LEKR1: variants seen among roughly 807,000 people sequenced by gnomAD.
The protein encoded by LEKR1 is leucine, glutamate and lysine rich 1.
Under a neutral mutation model 72.4 loss-of-function variants are expected in LEKR1, and 59 were observed. That is an observed-to-expected ratio of 0.82 (90% CI 0.66 to 1.01). The LOEUF (loss-of-function observed/expected upper bound fraction) is 1.01. Among genes scored for constraint, LEKR1 ranks in the 50% least tolerant of loss-of-function variants. The pLI is 0.00. For synonymous variants in LEKR1, 257 were observed against 263.2 expected (o/e 0.98, Z 0.23); for missense variants, 728 against 759.2 (o/e 0.96, Z 0.48).
chr3:157,026,417 T>C (rs1395293258), intron 11 of LEKR1, among the ~76,000 whole-genome samples: 1 of 152,208 alleles, frequency 6.6e-6, no homozygotes, highest in Non-Finnish European at 1.5e-5. Flanking sequence ...GATCTTTAAA[T>C]GTTGACTGCC....
At chr3:157,000,849 A>G (rs1257646486) in intron 9 of LEKR1, among the ~76,000 whole-genome samples, 2 of 152,192 alleles carry the variant, frequency 1.3e-5, no homozygotes, top group Non-Finnish European at 2.9e-5. Flanking sequence ...TCCAGGTGTC[A>G]AGGGAGAGAA....
At chr3:156,838,450 T>A (rs1314135436) in intron 2 of LEKR1, among the ~76,000 whole-genome samples, 1 of 152,044 alleles carries the variant, frequency 6.6e-6, no homozygotes, top group Non-Finnish European at 1.5e-5. Flanking sequence ...TGGGGAGACA[T>A]CTCCCCAAAC....
At chr3:156,975,704 A>G (rs1729631222) in intron 6 of LEKR1, among the ~76,000 whole-genome samples, 1 of 152,230 alleles carries the variant, frequency 6.6e-6, no homozygotes, top group South Asian at 2.1e-4. Flanking sequence ...AAGAGAGGTT[A>G]AGAACTCTTT....
At chr3:156,928,684 T>G (rs1181419174) in intron 5 of LEKR1, among the ~76,000 whole-genome samples, 1 of 151,954 alleles carries the variant, frequency 6.6e-6, no homozygotes, top group Non-Finnish European at 1.5e-5. Context: ...AGCTCAAATT[T>G]TGCATATAAA....
At chr3:156,890,860 C>CT (rs111265584) in intron 3 of LEKR1, among the ~76,000 whole-genome samples, 5,490 of 135,714 alleles carry the variant, frequency 0.04, 159 homozygotes, top group Non-Finnish European at 0.059. Context: ...AAAAGTTATC[C>CT]TTTTTTTTTT....
intron 6 of LEKR1, among the ~76,000 whole-genome samples, chr3:156,967,932 A>G (rs7430071): frequency 0.16 from 23,803 of 152,230 alleles, 2,117 homozygotes; most frequent in South Asian, 0.25. Flanking sequence ...ATCTCTCAGC[A>G]GAAACTCTAC....
At chr3:156,847,021 G>A (rs1024766225) in intron 2 of LEKR1, among the ~76,000 whole-genome samples, 1 of 151,980 alleles carries the variant, frequency 6.6e-6, no homozygotes, top group Non-Finnish European at 1.5e-5. Flanking sequence ...TCACCGTGTT[G>A]TCCAGGCTCA....
chr3:156,843,145 G>A (rs191907519), intron 2 of LEKR1, among the ~76,000 whole-genome samples: 2 of 152,246 alleles, frequency 1.3e-5, no homozygotes, highest in African/African-American at 4.8e-5. Context: ...CTGGGTTTAG[G>A]ATTTTATTGC....
At position 156,902,019 on chromosome 3, in the gene LEKR1, C is replaced by T. The variant is rs139263882; in HGVS notation, c.264-18556C>T. Reference sequence around the variant, plus strand: ...TTCTTATAGTTCTCTGCCTTATTTCCGGAAGCTCACATATAATTTTCTTGA... The same window carrying T: ...TTCTTATAGTTCTCTGCCTTATTTCTGGAAGCTCACATATAATTTTCTTGA... On this transcript the variant is annotated intron_variant, in intron 3 of 12. Coordinates refer to ENST00000356539, the MANE Select transcript of LEKR1 (RefSeq NM_001004316.3). Among the ~76,000 whole-genome samples the T allele has an allele frequency of 8.3e-3, 1,258 of 152,196 alleles. 7 individuals are homozygous for T. The highest frequency in any genetic ancestry group is 0.013 in the Non-Finnish European group (893 of 68,006).
chr3:157,010,012 CATA>C (rs1207108849), intron 9 of LEKR1, among the ~76,000 whole-genome samples: 2 of 151,976 alleles, frequency 1.3e-5, no homozygotes, highest in South Asian at 2.1e-4. Flanking sequence ...TAAAGCTGCT[CATA>C]ATATTTCTGT....
At chr3:156,898,989 C>A (rs939741671) in intron 3 of LEKR1, among the ~76,000 whole-genome samples, 1 of 152,038 alleles carries the variant, frequency 6.6e-6, no homozygotes, top group East Asian at 1.9e-4. Context: ...CTTGTTGCTC[C>A]TGTTGCTGTT....
intron 3 of LEKR1, among the ~76,000 whole-genome samples, chr3:156,886,552 G>A (rs1333525504): frequency 4.6e-5 from 7 of 152,138 alleles, no homozygotes; most frequent in Admixed American, 4.6e-4. Context: ...CCTTCCCCAA[G>A]GGTCCCTGTC....
chr3:156,935,817 A>G (rs1272238379), intron 5 of LEKR1, among the ~76,000 whole-genome samples: 1 of 152,182 alleles, frequency 6.6e-6, no homozygotes, highest in African/African-American at 2.4e-5. Context: ...AATAAAATAC[A>G]CTATTAAAAT....
intron 9 of LEKR1, among the ~76,000 whole-genome samples, chr3:157,007,567 C>G (rs570523704): frequency 2.0e-5 from 3 of 152,210 alleles, no homozygotes; most frequent in Admixed American, 6.5e-5. Context: ...GCTATCCACA[C>G]CTGATTGCTA....
chr3:156,990,846 A>G (rs1194775871), intron 7 of LEKR1, among the ~76,000 whole-genome samples: 2 of 152,110 alleles, frequency 1.3e-5, no homozygotes, highest in African/African-American at 4.8e-5. Flanking sequence ...GAAATCAGTT[A>G]TTTCTATGAG....
chr3:156,978,547 GTTC>G (rs1729900542), intron 6 of LEKR1, among the ~76,000 whole-genome samples: 1 of 152,162 alleles, frequency 6.6e-6, no homozygotes, highest in South Asian at 2.1e-4. Flanking sequence ...CAAGCCATTT[GTTC>G]TTTCTGCTAT....
intron 6 of LEKR1, among the ~76,000 whole-genome samples, chr3:156,971,291 A>G (rs1342886989): frequency 6.6e-6 from 1 of 152,036 alleles, no homozygotes; most frequent in African/African-American, 2.4e-5. Flanking sequence ...AGCCATATGT[A>G]GAAAGCTGAA....
At chr3:157,007,075 G>A (rs984364011) in intron 9 of LEKR1, among the ~76,000 whole-genome samples, 5 of 152,100 alleles carry the variant, frequency 3.3e-5, no homozygotes, top group East Asian at 1.9e-4. Context: ...GGTGGCGGGC[G>A]CCTGTAGTCC....
intron 6 of LEKR1, among the ~76,000 whole-genome samples, chr3:156,975,014 G>A (rs1729570502): frequency 6.6e-6 from 1 of 152,076 alleles, no homozygotes; most frequent in Admixed American, 6.6e-5. Context: ...GCTAACATGT[G>A]CGTGTTACTC....
Sources: allele counts gnomAD v4.1 joint callset (sites outside exome capture counted in the v4.1 genomes callset), GRCh38; gene constraint gnomAD v4.1.1; transcripts MANE v1.5; gene names NCBI Gene and HGNC (gene_info 2026-07-23, HGNC 2026-07-21).